RICTOR: variants seen among roughly 807,000 people sequenced by gnomAD.
The protein encoded by RICTOR is RPTOR independent companion of MTOR complex 2.
In RICTOR, 49 loss-of-function variants were observed where a neutral mutation model predicts 214.9. The ratio of observed to expected loss-of-function variants is 0.23; its 90% CI spans 0.18 to 0.29. RICTOR has a LOEUF of 0.29. Among genes scored for constraint, RICTOR ranks in the 10% least tolerant of loss-of-function variants. The probability of loss-of-function intolerance (pLI) is 1.00; values close to 1 mark genes in which losing one functional copy is unlikely to be tolerated. For missense variants in RICTOR, 1,625 were observed against 2,047.0 expected (o/e 0.79, Z 3.98); for synonymous variants, 717 against 711.3 (o/e 1.01, Z -0.13).
At chr5:39,033,774 A>C (rs1756446518) in intron 2 of RICTOR, among the ~76,000 whole-genome samples, 2 of 152,140 alleles carry the variant, frequency 1.3e-5, no homozygotes, top group South Asian at 4.1e-4. Context: ...TGTACACTGA[A>C]CCTCAGCAAC....
At position 39,064,673 on chromosome 5, in the gene RICTOR, G is replaced by C. The variant is rs61703689; in HGVS notation, c.97+9438C>G. ...CGGGAGGAGGCAGCAAGTCACTGCA[G>C]GTGGATCACTTAAAAGGAAATTGAG... On this transcript the variant is annotated intron_variant, in intron 2 of 37. Coordinates refer to ENST00000357387, the MANE Select transcript of RICTOR (RefSeq NM_152756.5). Among the ~76,000 whole-genome samples, 857 of 152,274 alleles carry C rather than the reference G, an allele frequency of 5.6e-3. 8 individuals carry two copies. Among genetic ancestry groups the C allele is most frequent in the African/African-American group, 0.019 (772 of 41,554 alleles).
chr5:38,966,425 A>G (rs984797859), intron 15 of RICTOR, among the ~76,000 whole-genome samples: 2 of 152,266 alleles, frequency 1.3e-5, no homozygotes, highest in Admixed American at 6.5e-5. Context: ...TCCATTTACA[A>G]AACCAATCAA....
At chr5:38,955,756 A>T in intron 25 of RICTOR, 52 bp from the exon 26 acceptor site, 1 of 965,668 alleles carries the variant, frequency 1.0e-6, no homozygotes, top group Non-Finnish European at 1.7e-6. Context: ...GAGTCACTAA[A>T]TTTAAAATAT....
In RICTOR at chr5:38,959,970, T is replaced by G. The variant is rs763178855; in HGVS notation, c.1860A>C (p.Gln620His). 3 of 1,603,090 alleles carry G rather than the reference T, an allele frequency of 1.9e-6. No homozygotes were observed. The highest frequency in any genetic ancestry group is 1.7e-6 in the Non-Finnish European group (2 of 1,170,550). Residue 620 changes from glutamine to histidine, a missense_variant, in exon 21 of 38, where the codon CAA becomes CAC. Gln to His is a conservative substitution (Grantham distance 24). Transcript: ENST00000357387. ...EFLLESEEDG[Q>H]GYLEDLVKDI... ...CCTTTACTAGATCTTCTAAGTAGCCTTGCCCATCCTAAAAGTAAATACATT... is the reference window on the plus strand; with the variant it reads ...CCTTTACTAGATCTTCTAAGTAGCCGTGCCCATCCTAAAAGTAAATACATT...
At chr5:39,033,912 A>G (rs1237470913) in intron 2 of RICTOR, among the ~76,000 whole-genome samples, 1 of 152,234 alleles carries the variant, frequency 6.6e-6, no homozygotes, top group Non-Finnish European at 1.5e-5. Flanking sequence ...TGGGATTCAG[A>G]TCTATTTTCC....
chr5:39,062,568 C>T (rs1018876851), intron 2 of RICTOR, among the ~76,000 whole-genome samples: 1 of 152,000 alleles, frequency 6.6e-6, no homozygotes, highest in African/African-American at 2.4e-5. Flanking sequence ...AATAGCAATA[C>T]TATTTTAAGA....
At chr5:38,999,318 A>T (rs1274847037) in intron 5 of RICTOR, among the ~76,000 whole-genome samples, 2 of 152,010 alleles carry the variant, frequency 1.3e-5, no homozygotes, top group Admixed American at 6.5e-5. Flanking sequence ...AAGCAGCCAG[A>T]GGTAAAAAGA....
At chr5:38,987,496 C>T (rs1018520368) in intron 7 of RICTOR, among the ~76,000 whole-genome samples, 4 of 152,096 alleles carry the variant, frequency 2.6e-5, no homozygotes, top group Non-Finnish European at 4.4e-5. Context: ...AGTTTATTTG[C>T]GTAGAGGTGT....
At chr5:38,994,313 A>C (rs1215822931) in intron 6 of RICTOR, among the ~76,000 whole-genome samples, 1 of 151,656 alleles carries the variant, frequency 6.6e-6, no homozygotes, top group African/African-American at 2.4e-5. Flanking sequence ...CTGTGTATAC[A>C]CAAATATTCC....
chr5:38,974,399 T>G (rs933998280), intron 10 of RICTOR, among the ~76,000 whole-genome samples: 1 of 151,398 alleles, frequency 6.6e-6, no homozygotes, highest in Non-Finnish European at 1.5e-5. Context: ...TAAAAAAAAA[T>G]GTTTAAGAGC....
At chr5:38,949,545 C>A in intron 31 of RICTOR, 167 bp downstream of exon 31, 1 of 1,076,700 alleles carries the variant, frequency 9.3e-7, no homozygotes. Context: ...CTGCAAGAAT[C>A]CATTTCAAGT....
At chr5:38,968,089 A>G (rs1427540532) in intron 11 of RICTOR, 59 bp from the exon 12 acceptor site, 1 of 936,784 alleles carries the variant, frequency 1.1e-6, no homozygotes, top group South Asian at 1.3e-5. Context: ...AAGATTTTTA[A>G]ATGTCCTATT....
At chr5:38,967,684 T>G (rs918891800) in intron 12 of RICTOR, among the ~76,000 whole-genome samples, 1 of 152,220 alleles carries the variant, frequency 6.6e-6, no homozygotes, top group Admixed American at 6.5e-5. Flanking sequence ...TTACATAGGT[T>G]TCTTACTGTC....
intron 5 of RICTOR, among the ~76,000 whole-genome samples, chr5:39,001,174 T>A (rs1753585549): frequency 6.6e-6 from 1 of 151,946 alleles, no homozygotes; most frequent in South Asian, 2.1e-4. Context: ...TAGACTCACA[T>A]TAACAGATAT....
At chr5:38,942,996 T>C (rs1233094169) in intron 36 of RICTOR, 25 bp from the exon 37 acceptor site, 10 of 1,548,664 alleles carry the variant, frequency 6.5e-6, no homozygotes, top group Non-Finnish European at 8.9e-6. Flanking sequence ...TATGGTGTGA[T>C]GAAAACTGTA....
intron 2 of RICTOR, among the ~76,000 whole-genome samples, chr5:39,048,477 T>G (rs1466691924): frequency 6.6e-6 from 1 of 152,202 alleles, no homozygotes; most frequent in African/African-American, 2.4e-5. Context: ...AGAGGCTACC[T>G]ACTTGGCAAT....
intron 30 of RICTOR, among the ~76,000 whole-genome samples, 174 bp from the exon 31 acceptor site, chr5:38,950,894 T>C (rs1376528414): frequency 6.6e-6 from 1 of 151,980 alleles, no homozygotes; most frequent in Non-Finnish European, 1.5e-5. Context: ...ACCCAGAGTT[T>C]GGACTTGAAT....
intron 5 of RICTOR, among the ~76,000 whole-genome samples, chr5:39,002,176 A>C: frequency 6.7e-6 from 1 of 149,078 alleles, no homozygotes. Flanking sequence ...CAGCAAAAAA[A>C]AAAAAAAAAA....
chr5:38,938,163 A>G lies in RICTOR; in HGVS notation c.*4141T>C, dbSNP rs1392015776. 1.8e-5 allele frequency: 4 copies of G among 218,518 alleles called. No individual in the cohort carries two copies. Among genetic ancestry groups the G allele is most frequent in the Non-Finnish European group, 2.8e-5 (3 of 108,702 alleles). The allele number at this position is 218,518 out of a possible 1,614,324, so 13.5% of individuals were successfully genotyped here. On this transcript the variant is annotated 3_prime_UTR_variant, in exon 38 of 38. Coordinates refer to ENST00000357387, the MANE Select transcript of RICTOR (RefSeq NM_152756.5). ...TTTCTTTCTATGTTACAGTTATACA[A>G]TATAAATCAGATTTCAATGTCTGTT... is the stretch of plus-strand genomic sequence containing the variant.
Sources: allele counts gnomAD v4.1 joint callset (sites outside exome capture counted in the v4.1 genomes callset), GRCh38; gene constraint gnomAD v4.1.1; transcripts MANE v1.5; gene names NCBI Gene and HGNC (gene_info 2026-07-23, HGNC 2026-07-21).